The following TTLL5 variants were observed in gnomAD, a reference collection of about 807,000 sequenced individuals.
TTLL5 encodes tubulin polyglutamylase TTLL5.
A neutral mutation model predicts 168.4 loss-of-function variants in TTLL5; 132 were observed. That is an observed-to-expected ratio of 0.78 (90% confidence interval 0.68 to 0.91). The LOEUF is 0.91. Ranked by LOEUF, TTLL5 falls within the 40% of genes least tolerant of loss-of-function variation. The probability of loss-of-function intolerance (pLI) is 0.00; values close to 1 mark genes in which losing one functional copy is unlikely to be tolerated. For missense variants in TTLL5, 1,545 were observed against 1,581.5 expected (o/e 0.98, Z 0.39); for synonymous variants, 546 against 558.6 (o/e 0.98, Z 0.32).
At chr14:75,893,817 C>CAAAA (rs61332109) in intron 30 of TTLL5, among the ~76,000 whole-genome samples, 29 of 71,566 alleles carry the variant, frequency 4.1e-4, no homozygotes, top group Middle Eastern at 8.3e-3. Flanking sequence ...GACTCCATCT[C>CAAAA]AAAAAAAAAA....
At chr14:75,676,773 T>A (rs1267564705) in intron 3 of TTLL5, among the ~76,000 whole-genome samples, 1 of 151,706 alleles carries the variant, frequency 6.6e-6, no homozygotes, top group Non-Finnish European at 1.5e-5. Flanking sequence ...TTTTACTTTT[T>A]TTTTTTTTTT....
intron 29 of TTLL5, among the ~76,000 whole-genome samples, chr14:75,868,927 A>G (rs1025984421): frequency 6.6e-6 from 1 of 151,916 alleles, no homozygotes; most frequent in African/African-American, 2.4e-5. Context: ...GCAGGCAAAC[A>G]GTCTAGCCAT....
At chr14:75,789,667 G>A (rs1356685961) in intron 26 of TTLL5, among the ~76,000 whole-genome samples, 2 of 152,044 alleles carry the variant, frequency 1.3e-5, no homozygotes, top group East Asian at 1.9e-4. Context: ...AGAAAGGAAA[G>A]GAAGTTTTAT....
chr14:75,704,275 A>G (rs1221688282), intron 7 of TTLL5, among the ~76,000 whole-genome samples: 1 of 152,348 alleles, frequency 6.6e-6, no homozygotes, highest in East Asian at 1.9e-4. Context: ...GCAGTGGCTC[A>G]TGCCTGTAAT....
chr14:75,903,726 CA>C (rs934440007), intron 31 of TTLL5, among the ~76,000 whole-genome samples: 73 of 139,518 alleles, frequency 5.2e-4, no homozygotes, highest in African/African-American at 8.7e-4. Context: ...CCTATCTCTA[CA>C]AAAAAAAAAA....
chr14:75,929,126 G>A (rs1425352219), intron 31 of TTLL5, among the ~76,000 whole-genome samples: 1 of 152,046 alleles, frequency 6.6e-6, no homozygotes, highest in Non-Finnish European at 1.5e-5. Context: ...TGGATCAGTG[G>A]TATCAATTTT....
chr14:75,873,968 G>A (rs967590826), intron 29 of TTLL5, among the ~76,000 whole-genome samples: 21 of 152,126 alleles, frequency 1.4e-4, no homozygotes, highest in African/African-American at 5.1e-4. Context: ...AAAACTAATA[G>A]TTACTTACTT....
rs765493292 is a variant in TTLL5 at position 75,783,304 on chromosome 14, A to C, written c.2760A>C (p.Gln920His). The C allele has an allele frequency of 2.5e-6, 4 of 1,613,880 alleles. No homozygotes were observed. Among genetic ancestry groups the C allele is most frequent in the Non-Finnish European group, 3.4e-6 (4 of 1,179,990 alleles). Reference sequence around the variant, plus strand: ...CTTGCCACCATTCTTCTTTATCTCAAATTCCTTCAGCTATCCCCAGCATGC... The same window carrying C: ...CTTGCCACCATTCTTCTTTATCTCACATTCCTTCAGCTATCCCCAGCATGC... ...PGPCHHSSLS[Q>H]IPSAIPSMPH... The change falls in exon 26 of 32, where the codon CAA becomes CAC. Residue 920 changes from glutamine to histidine, a missense_variant. Transcript: ENST00000298832.
intron 30 of TTLL5, among the ~76,000 whole-genome samples, chr14:75,891,846 C>T (rs1168305285): frequency 1.3e-5 from 2 of 152,180 alleles, no homozygotes; most frequent in Non-Finnish European, 2.9e-5. Flanking sequence ...TAGCACTAAG[C>T]TTCTGTTTCA....
chr14:75,789,847 T>C (rs1004321456), intron 26 of TTLL5, among the ~76,000 whole-genome samples: 4 of 152,208 alleles, frequency 2.6e-5, no homozygotes, highest in East Asian at 1.9e-4. Context: ...AAGTGTGTCA[T>C]TGGATTTTTT....
At chr14:75,782,220 G>C (rs1289766000) in intron 24 of TTLL5, among the ~76,000 whole-genome samples, 2 of 152,012 alleles carry the variant, frequency 1.3e-5, no homozygotes, top group African/African-American at 4.8e-5. Flanking sequence ...CTTGTTGGCT[G>C]TCCGTGGATG....
intron 27 of TTLL5, among the ~76,000 whole-genome samples, chr14:75,799,961 C>T (rs569622569): frequency 7.9e-5 from 12 of 152,284 alleles, no homozygotes; most frequent in East Asian, 5.8e-4. Context: ...TATCTTTTTG[C>T]GATGAATTTC....
In TTLL5 at chr14:75,825,338, C is replaced by T. The variant is rs572313024; in HGVS notation, c.3326+5177C>T. Reference sequence around the variant, plus strand: ...GCAGTACGCTCCTGGGACTGGATAACAGAAATCTGGCCTTTCTAGCCGAGG... The same window carrying T: ...GCAGTACGCTCCTGGGACTGGATAATAGAAATCTGGCCTTTCTAGCCGAGG... On this transcript the variant is annotated intron_variant, in intron 28 of 31. Coordinates refer to ENST00000298832, the MANE Select transcript of TTLL5 (RefSeq NM_015072.5). 1.8e-4 allele frequency among the ~76,000 whole-genome samples: 28 copies of T among 152,278 alleles called. No homozygotes were observed. The South Asian group carries it at 5.2e-3, about 28-fold the overall frequency.
chr14:75,690,817 G>A (rs1033872229), intron 6 of TTLL5, among the ~76,000 whole-genome samples: 6 of 151,944 alleles, frequency 3.9e-5, no homozygotes, highest in African/African-American at 1.2e-4. Flanking sequence ...ATGGGATCTC[G>A]CTCTGTTGCC....
chr14:75,796,858 G>A (rs1566608508), intron 27 of TTLL5, among the ~76,000 whole-genome samples: 2 of 152,152 alleles, frequency 1.3e-5, no homozygotes, highest in South Asian at 2.1e-4. Context: ...TTTGGGTAAT[G>A]TGATGCCTCT....
intron 2 of TTLL5, among the ~76,000 whole-genome samples, chr14:75,669,045 G>A (rs1178189451): frequency 6.6e-6 from 1 of 152,128 alleles, no homozygotes; most frequent in African/African-American, 2.4e-5. Flanking sequence ...ACCATCAAGA[G>A]GAAGACAGGC....
chr14:75,680,937 G>A (rs1884563378), intron 3 of TTLL5, among the ~76,000 whole-genome samples: 1 of 152,048 alleles, frequency 6.6e-6, no homozygotes, highest in African/African-American at 2.4e-5. Flanking sequence ...TAGAGCAGGG[G>A]TTTTTAACCT....
intron 15 of TTLL5, among the ~76,000 whole-genome samples, chr14:75,741,222 A>T (rs993152268): frequency 9.2e-5 from 14 of 152,170 alleles, no homozygotes; most frequent in African/African-American, 3.4e-4. Context: ...ATTCATCTTT[A>T]TCCTTGGTGC....
At chr14:75,721,002 C>T (rs541673140) in intron 12 of TTLL5, among the ~76,000 whole-genome samples, 1 of 152,292 alleles carries the variant, frequency 6.6e-6, no homozygotes, top group South Asian at 2.1e-4. Context: ...AGGAATCCAG[C>T]TCTAACAAAT....
Sources: gnomAD v4.1 joint callset for allele counts (sites outside exome capture counted in the v4.1 genomes callset) on GRCh38, gnomAD v4.1.1 for gene constraint, MANE v1.5 for transcripts, NCBI Gene and HGNC (gene_info 2026-07-23, HGNC 2026-07-21) for gene names.